The following MSRA variants were observed in gnomAD, a reference collection of about 807,000 sequenced individuals.
MSRA encodes methionine sulfoxide reductase A.
A neutral mutation model predicts 31.3 loss-of-function variants in MSRA; 54 were observed. The ratio of observed to expected loss-of-function variants is 1.73; its 90% confidence interval spans 1.39 to 2.17. The LOEUF is 2.17. Among genes scored for constraint, MSRA ranks in the 30% most tolerant of loss-of-function variants. MSRA has a pLI of 0.00. For missense variants in MSRA, 507 were observed against 300.9 expected (o/e 1.69, Z -5.07); for synonymous variants, 169 against 116.5 (o/e 1.45, Z -2.90).
chr8:10,120,906 T>C (rs1438793368), intron 1 of MSRA, among the ~76,000 whole-genome samples: 1 of 152,240 alleles, frequency 6.6e-6, no homozygotes, highest in African/African-American at 2.4e-5. Context: ...CCTGTGTGTG[T>C]TCCCAAATCA....
intron 5 of MSRA, among the ~76,000 whole-genome samples, chr8:10,422,800 C>A (rs1412363083): frequency 2.0e-5 from 3 of 152,160 alleles, no homozygotes; most frequent in African/African-American, 4.8e-5. Flanking sequence ...CAGAGGCAGG[C>A]CCTGGGGTTG....
At chr8:10,252,711 G>A (rs1797980938) in intron 3 of MSRA, among the ~76,000 whole-genome samples, 2 of 152,236 alleles carry the variant, frequency 1.3e-5, no homozygotes, top group Non-Finnish European at 2.9e-5. Flanking sequence ...ATTTGTCCAC[G>A]AAGCATGGGC....
At chr8:10,222,627 T>C (rs1810621919) in intron 2 of MSRA, among the ~76,000 whole-genome samples, 1 of 152,174 alleles carries the variant, frequency 6.6e-6, no homozygotes, top group African/African-American at 2.4e-5. Flanking sequence ...ACCTGCGGTA[T>C]ATATACACAA....
At chr8:10,282,483 G>T (rs1393503754) in intron 3 of MSRA, among the ~76,000 whole-genome samples, 4 of 152,208 alleles carry the variant, frequency 2.6e-5, no homozygotes, top group Admixed American at 2.0e-4. Context: ...ATATTTGCCA[G>T]CATAGTCGAC....
intron 2 of MSRA, among the ~76,000 whole-genome samples, chr8:10,227,664 A>G (rs1263223848): frequency 6.6e-6 from 1 of 152,236 alleles, no homozygotes; most frequent in Non-Finnish European, 1.5e-5. Flanking sequence ...GTACACGTGC[A>G]TATGAGCACA....
chr8:10,391,282 T>G (rs1806730438), intron 5 of MSRA, among the ~76,000 whole-genome samples: 1 of 152,208 alleles, frequency 6.6e-6, no homozygotes, highest in Admixed American at 6.5e-5. Flanking sequence ...AGACCCGGAC[T>G]CAAGGTCTGC....
At chr8:10,180,382 C>A (rs1361867665) in intron 1 of MSRA, among the ~76,000 whole-genome samples, 3 of 152,174 alleles carry the variant, frequency 2.0e-5, no homozygotes, top group Non-Finnish European at 4.4e-5. Context: ...ATGTGTTTAC[C>A]AACCTGGAAG....
chr8:10,250,027 C>G (rs901842129), intron 3 of MSRA, among the ~76,000 whole-genome samples: 1 of 152,136 alleles, frequency 6.6e-6, no homozygotes, highest in Non-Finnish European at 1.5e-5. Context: ...TTCCTGTCTT[C>G]CAGAATTTTC....
intron 2 of MSRA, among the ~76,000 whole-genome samples, chr8:10,234,031 A>T (rs1481318829): frequency 6.6e-6 from 1 of 152,208 alleles, no homozygotes; most frequent in African/African-American, 2.4e-5. Context: ...TCTTCAAAGT[A>T]TTGATGAAAT....
chr8:10,199,383 G>C (rs567723127), intron 1 of MSRA, among the ~76,000 whole-genome samples: 1 of 152,080 alleles, frequency 6.6e-6, no homozygotes, highest in African/African-American at 2.4e-5. Context: ...GCAGTGGTGC[G>C]ATCTTGGCCC....
chr8:10,392,856 C>G (rs773212932), intron 5 of MSRA, among the ~76,000 whole-genome samples: 1 of 125,906 alleles, frequency 7.9e-6, no homozygotes, highest in South Asian at 2.5e-4. Context: ...ACCATTCTGG[C>G]TAACATGGTA....
At chr8:10,332,541 A>G (rs1802769338) in intron 5 of MSRA, among the ~76,000 whole-genome samples, 1 of 151,230 alleles carries the variant, frequency 6.6e-6, no homozygotes, top group Non-Finnish European at 1.5e-5. Flanking sequence ...GGGTGTTATT[A>G]TGAACTCTAA....
At chr8:10,288,938 C>G (rs1485147597) in intron 3 of MSRA, among the ~76,000 whole-genome samples, 5 of 151,696 alleles carry the variant, frequency 3.3e-5, no homozygotes, top group Non-Finnish European at 7.4e-5. Flanking sequence ...GTGCAAGCAG[C>G]CACGGTGTTT....
At chr8:10,245,800 C>G (rs1273839934) in intron 3 of MSRA, among the ~76,000 whole-genome samples, 2 of 152,212 alleles carry the variant, frequency 1.3e-5, no homozygotes, top group Non-Finnish European at 2.9e-5. Context: ...GTTACGTTCA[C>G]TTTTATACCA....
Position 10,119,271 on chromosome 8 carries a change from A to G in MSRA, c.142+64613A>G, listed in dbSNP as rs1486497131. ...TGTCCATAAAATGCTTATCTTCATAATGAAATATGAATGGGTCTTTGTCCG... is the reference window on the plus strand; with the variant it reads ...TGTCCATAAAATGCTTATCTTCATAGTGAAATATGAATGGGTCTTTGTCCG... On this transcript the variant is annotated intron_variant, in intron 1 of 5. Coordinates refer to ENST00000317173, the MANE Select transcript of MSRA (RefSeq NM_012331.5). Among the ~76,000 whole-genome samples the G allele has an allele frequency of 2.0e-5, 3 of 152,236 alleles. No individual in the cohort carries two copies. In the East Asian group the frequency reaches 5.8e-4, roughly 29 times the overall value.
chr8:10,294,074 T>A (rs910747292), intron 3 of MSRA, among the ~76,000 whole-genome samples: 3 of 152,116 alleles, frequency 2.0e-5, no homozygotes, highest in African/African-American at 7.2e-5. Context: ...CATGGTGGCA[T>A]GCACCTATAA....
chr8:10,314,392 A>G (rs903460736), intron 4 of MSRA, among the ~76,000 whole-genome samples: 1 of 152,196 alleles, frequency 6.6e-6, no homozygotes. Flanking sequence ...GCAAAGAAAC[A>G]TAAAATGATA....
At position 10,159,473 on chromosome 8, in the gene MSRA, T is replaced by C. The variant is rs577346810; in HGVS notation, c.143-48360T>C. On this transcript the variant is annotated intron_variant, in intron 1 of 5. Coordinates refer to ENST00000317173, the MANE Select transcript of MSRA (RefSeq NM_012331.5). ...TGAGAGGAAACTAGGATATTTGAGCTTACCTCTTACTTCTGGAGCTTTGTG... is the reference window on the plus strand; with the variant it reads ...TGAGAGGAAACTAGGATATTTGAGCCTACCTCTTACTTCTGGAGCTTTGTG... Among the ~76,000 whole-genome samples, 8 of 152,352 alleles carry C rather than the reference T, an allele frequency of 5.3e-5. No individual in the cohort carries two copies. The East Asian group carries it at 1.4e-3, about 26-fold the overall frequency.
At chr8:10,251,252 G>A (rs1797901736) in intron 3 of MSRA, among the ~76,000 whole-genome samples, 1 of 152,000 alleles carries the variant, frequency 6.6e-6, no homozygotes, top group South Asian at 2.1e-4. Context: ...GTGTTTGGGT[G>A]GAAGCGCATG....
Sources: gnomAD v4.1 joint callset for allele counts (sites outside exome capture counted in the v4.1 genomes callset) on GRCh38, gnomAD v4.1.1 for gene constraint, MANE v1.5 for transcripts, NCBI Gene and HGNC (gene_info 2026-07-23, HGNC 2026-07-21) for gene names.